The following HS6ST3 variants were observed in gnomAD, a reference collection of about 807,000 sequenced individuals.
HS6ST3 encodes the protein heparan-sulfate 6-O-sulfotransferase 3.
HS6ST3 carries 12 observed loss-of-function variants against 36.7 expected under a neutral mutation model. The ratio of observed to expected loss-of-function variants is 0.33; its 90% CI spans 0.21 to 0.53. The LOEUF (loss-of-function observed/expected upper bound fraction) is 0.53, where lower values mean the gene tolerates loss of function less well. Among genes scored for constraint, HS6ST3 ranks in the 20% least tolerant of loss-of-function variants. The pLI, the probability that HS6ST3 is intolerant of heterozygous loss-of-function variation, is 0.95. For missense variants in HS6ST3, 584 were observed against 640.9 expected (o/e 0.91, Z 0.96); for synonymous variants, 240 against 257.5 (o/e 0.93, Z 0.65).
rs71113989 is a variant in HS6ST3 at position 96,301,898 on chromosome 13, TATAATAATAATAATA to T, written c.707+210362_707+210376del. ...CCTGGAGACACAATGAGACTCCATC[TATAATAATAATAATA>T]ATAATAATAATAATAATAATAATAA... On this transcript the variant is annotated intron_variant, in intron 1 of 1. Coordinates refer to ENST00000376705, the MANE Select transcript of HS6ST3 (RefSeq NM_153456.4). Among the ~76,000 whole-genome samples, 194 of 137,750 alleles carry T rather than the reference TATAATAATAATAATA, an allele frequency of 1.4e-3. 1 individual carries two copies. The South Asian group carries it at 0.017, about 12-fold the overall frequency. The allele number at this position is 137,750 out of a possible 152,430, so 90.4% of individuals were successfully genotyped here. A position where few individuals can be genotyped will look rare whatever the true frequency, so the allele number is the denominator to read the frequency against.
At chr13:96,587,105 TG>T (rs527608262) in intron 1 of HS6ST3, among the ~76,000 whole-genome samples, 42 of 152,308 alleles carry the variant, frequency 2.8e-4, no homozygotes, top group African/African-American at 9.6e-4. Context: ...CAACTGTAAA[TG>T]TAAGGATTTA....
At chr13:96,467,159 C>T (rs1050603548) in intron 1 of HS6ST3, among the ~76,000 whole-genome samples, 2 of 152,068 alleles carry the variant, frequency 1.3e-5, no homozygotes, top group South Asian at 2.1e-4. Context: ...TCATGTATAC[C>T]GTTCCCAGCC....
chr13:96,595,843 T>C (rs576955710), intron 1 of HS6ST3, among the ~76,000 whole-genome samples: 1 of 152,206 alleles, frequency 6.6e-6, no homozygotes, highest in Non-Finnish European at 1.5e-5. Context: ...TAATTTCTTT[T>C]TTTTTTCAGC....
chr13:96,447,632 A>G (rs962899491), intron 1 of HS6ST3, among the ~76,000 whole-genome samples: 4 of 152,142 alleles, frequency 2.6e-5, no homozygotes, highest in Admixed American at 2.0e-4. Flanking sequence ...CCACGTGTGT[A>G]GAACATCATG....
At chr13:96,544,191 TAAACTC>T (rs986139678) in intron 1 of HS6ST3, among the ~76,000 whole-genome samples, 1 of 152,166 alleles carries the variant, frequency 6.6e-6, no homozygotes, top group Non-Finnish European at 1.5e-5. Context: ...TTCTCACTGA[TAAACTC>T]AAATCTGGAA....
intron 1 of HS6ST3, among the ~76,000 whole-genome samples, chr13:96,324,392 G>T (rs944337170): frequency 4.6e-5 from 7 of 152,150 alleles, no homozygotes; most frequent in African/African-American, 1.4e-4. Context: ...TGAAGGAAGT[G>T]ATATGGTGTG....
intron 1 of HS6ST3, among the ~76,000 whole-genome samples, chr13:96,297,407 A>C (rs944222405): frequency 6.6e-6 from 1 of 152,088 alleles, no homozygotes; most frequent in African/African-American, 2.4e-5. Flanking sequence ...TGCTTCTCCT[A>C]TCAAAGTAAT....
At chr13:96,803,745 G>A (rs1450351074) in intron 1 of HS6ST3, among the ~76,000 whole-genome samples, 1 of 152,080 alleles carries the variant, frequency 6.6e-6, no homozygotes, top group Non-Finnish European at 1.5e-5. Flanking sequence ...TTGGGGCATG[G>A]GTAATTCTAG....
chr13:96,769,078 G>A (rs1877193307), intron 1 of HS6ST3, among the ~76,000 whole-genome samples: 1 of 151,942 alleles, frequency 6.6e-6, no homozygotes, highest in Admixed American at 6.6e-5. Context: ...CCACAACCAG[G>A]TACCTAAAAC....
At chr13:96,433,740 G>A (rs890164149) in intron 1 of HS6ST3, among the ~76,000 whole-genome samples, 3 of 152,080 alleles carry the variant, frequency 2.0e-5, no homozygotes, top group African/African-American at 2.4e-5. Context: ...TTCGAGACTG[G>A]CCTGGCCAAC....
chr13:96,701,513 T>A (rs1045285550), intron 1 of HS6ST3, among the ~76,000 whole-genome samples: 35 of 152,286 alleles, frequency 2.3e-4, no homozygotes, highest in African/African-American at 8.4e-4. Context: ...AATTCAACAC[T>A]GTGGAGTTCA....
chr13:96,367,078 TGA>T (rs1441786782), intron 1 of HS6ST3, among the ~76,000 whole-genome samples: 3 of 152,196 alleles, frequency 2.0e-5, no homozygotes, highest in African/African-American at 7.2e-5. Flanking sequence ...ATTATCAGCA[TGA>T]GAACAGACTA....
Position 96,417,590 on chromosome 13 carries a change from A to G in HS6ST3, c.707+326021A>G, listed in dbSNP as rs200722186. On this transcript the variant is annotated intron_variant, in intron 1 of 1. Coordinates refer to ENST00000376705, the MANE Select transcript of HS6ST3 (RefSeq NM_153456.4). Reference sequence around the variant, plus strand: ...TGGTGAAAAAAAATAGCATATATATATGTGTGTGTGTGTGTGTGTGTGTGT... The same window carrying G: ...TGGTGAAAAAAAATAGCATATATATGTGTGTGTGTGTGTGTGTGTGTGTGT... Among the ~76,000 whole-genome samples, 686 of 139,956 alleles carry G rather than the reference A, an allele frequency of 4.9e-3. 8 individuals are homozygous for G. Among genetic ancestry groups the G allele is most frequent in the African/African-American group, 0.017 (620 of 37,358 alleles). 91.8% of individuals were successfully genotyped at this position (139,956 alleles called of 152,430 possible). A position where few individuals can be genotyped will look rare whatever the true frequency, so the allele number is the denominator to read the frequency against.
intron 1 of HS6ST3, among the ~76,000 whole-genome samples, chr13:96,317,327 TA>T (rs1334745979): frequency 1.1e-3 from 19 of 16,686 alleles, no homozygotes; most frequent in East Asian, 1.6e-3. Flanking sequence ...AGTATTCCAT[TA>T]TATATATATA....
At chr13:96,584,085 T>C (rs969369621) in intron 1 of HS6ST3, among the ~76,000 whole-genome samples, 1 of 152,190 alleles carries the variant, frequency 6.6e-6, no homozygotes, top group Non-Finnish European at 1.5e-5. Flanking sequence ...ACAGCACTTA[T>C]GACTATCTGC....
At chr13:96,437,104 C>A (rs907623504) in intron 1 of HS6ST3, among the ~76,000 whole-genome samples, 1 of 152,132 alleles carries the variant, frequency 6.6e-6, no homozygotes, top group African/African-American at 2.4e-5. Context: ...CACAAGTCAC[C>A]ATGTGGTCTG....
At chr13:96,527,435 G>A (rs1479765065) in intron 1 of HS6ST3, among the ~76,000 whole-genome samples, 1 of 152,194 alleles carries the variant, frequency 6.6e-6, no homozygotes, top group Non-Finnish European at 1.5e-5. Context: ...TAGCTCTCAT[G>A]TAGCTTATAT....
chr13:96,411,765 C>T (rs2055508623), intron 1 of HS6ST3, among the ~76,000 whole-genome samples: 3 of 152,030 alleles, frequency 2.0e-5, no homozygotes, highest in Admixed American at 6.6e-5. Context: ...AAGGAAGTGT[C>T]AATGAGGGAT....
At chr13:96,705,884 C>T (rs961808717) in intron 1 of HS6ST3, among the ~76,000 whole-genome samples, 4 of 152,206 alleles carry the variant, frequency 2.6e-5, no homozygotes, top group Non-Finnish European at 5.9e-5. Flanking sequence ...TGGGTTCCAT[C>T]ACTAAACTTT....
Sources: allele counts gnomAD v4.1 joint callset (sites outside exome capture counted in the v4.1 genomes callset), GRCh38; gene constraint gnomAD v4.1.1; transcripts MANE v1.5; gene names NCBI Gene and HGNC (gene_info 2026-07-23, HGNC 2026-07-21).